USP30: variants seen among roughly 807,000 people sequenced by gnomAD.
The protein encoded by USP30 is ubiquitin specific peptidase 30.
Under a neutral mutation model 68.2 loss-of-function variants are expected in USP30, and 41 were observed. The observed-to-expected ratio is 0.60, with a 90% CI of 0.47 to 0.78. The LOEUF is 0.78. Among genes scored for constraint, USP30 ranks in the 30% least tolerant of loss-of-function variants. The probability of loss-of-function intolerance (pLI) is 0.00; values close to 1 mark genes in which losing one functional copy is unlikely to be tolerated. For synonymous variants in USP30, 229 were observed against 253.7 expected (o/e 0.90, Z 0.93); for missense variants, 522 against 649.4 (o/e 0.80, Z 2.13).
Position 109,082,086 on chromosome 12 carries a change from C to T in USP30, c.867+67C>T, listed in dbSNP as rs147172706. ...TGTGCTGATGTAGCGCCTCTCACAC[C>T]AGTGACCCTGAGCTCTTCTGACTGT... On this transcript the variant is annotated intron_variant, in intron 9 of 12. Coordinates refer to ENST00000257548, the MANE Select transcript of USP30 (RefSeq NM_032663.5). 52 of 1,512,108 alleles carry T rather than the reference C, an allele frequency of 3.4e-5. No individual in the cohort carries two copies. The African/African-American group carries it at 5.5e-4, about 16-fold the overall frequency. The allele number at this position is 1,512,108 out of a possible 1,614,324, so 93.7% of individuals were successfully genotyped here. A position where few individuals can be genotyped will look rare whatever the true frequency, so the allele number is the denominator to read the frequency against.
In USP30 at chr12:109,081,972, A is replaced by C. The variant is rs373686187; in HGVS notation, c.820A>C (p.Ile274Leu). The change falls in exon 9 of 13, where the codon ATC becomes CTC. Residue 274 changes from isoleucine to leucine, a missense_variant. By Grantham distance (5) the Ile-to-Leu change is conservative. Coordinates refer to ENST00000257548, the MANE Select transcript of USP30 (RefSeq NM_032663.5). ...LTLDHCLHHF[I>L]SSESVRDVVC... ...CCTGGACCACTGCCTTCACCACTTC[A>C]TCTCATCAGAATCAGTGCGGGATGT... 18 of 1,614,082 alleles carry C rather than the reference A, an allele frequency of 1.1e-5. No individual in the cohort carries two copies. The highest frequency in any genetic ancestry group is 1.6e-4 in the Middle Eastern group (1 of 6,084).
chr12:109,081,618 T>TGC (rs373152566), intron 8 of USP30: 65,469 of 491,628 alleles, frequency 0.13, 2,310 homozygotes, highest in Middle Eastern at 0.16. Flanking sequence ...CACGCACGCA[T>TGC]GCGCGCACAC....
At chr12:109,062,181 C>T (rs1161823243) in intron 3 of USP30, among the ~76,000 whole-genome samples, 2 of 151,970 alleles carry the variant, frequency 1.3e-5, no homozygotes, top group Non-Finnish European at 2.9e-5. Flanking sequence ...GTGATCCACC[C>T]GCCTCAGCCT....
intron 3 of USP30, among the ~76,000 whole-genome samples, chr12:109,058,559 C>G (rs547582448): frequency 7.8e-6 from 1 of 128,908 alleles, no homozygotes; most frequent in Admixed American, 8.7e-5. Flanking sequence ...GCAACAAGAG[C>G]GAAACTCCGT....
intron 1 of USP30, among the ~76,000 whole-genome samples, chr12:109,024,585 G>T (rs183863002): frequency 5.2e-4 from 78 of 151,236 alleles, no homozygotes; most frequent in African/African-American, 1.4e-3. Context: ...GTATCAACTT[G>T]GTGGGTTTAA....
chr12:109,085,620 C>CT, intron 12 of USP30, 47 bp from the exon 13 acceptor site: 1 of 1,598,254 alleles, frequency 6.3e-7, no homozygotes, highest in Non-Finnish European at 8.5e-7. Flanking sequence ...CCTATAAAGT[C>CT]TTTTTGTTAA....
intron 6 of USP30, among the ~76,000 whole-genome samples, chr12:109,072,693 A>G (rs1021330862): frequency 1.3e-5 from 2 of 152,214 alleles, no homozygotes; most frequent in Non-Finnish European, 2.9e-5. Context: ...ATATTACCAC[A>G]GTCATCCTTA....
In USP30 at chr12:109,071,899, G is replaced by C. The variant is rs61935540; in HGVS notation, c.579+189G>C. On this transcript the variant is annotated intron_variant, in intron 5 of 12. Transcript: ENST00000257548. ...TGGTGATCTGATTAGGGATGTCAAG[G>C]CTCTTTCAAATGATTCATTGCTGCA... 1.2e-3 allele frequency among the ~76,000 whole-genome samples: 183 copies of C among 152,246 alleles called. 1 individual carries two copies. Among genetic ancestry groups the C allele is most frequent in the Non-Finnish European group, 2.2e-3 (150 of 68,024 alleles).
chr12:109,073,120 T>C (rs1383072744), intron 6 of USP30, among the ~76,000 whole-genome samples: 1 of 152,250 alleles, frequency 6.6e-6, no homozygotes, highest in Non-Finnish European at 1.5e-5. Flanking sequence ...TGTTCACTTG[T>C]GGTATCCTTC....
At chr12:109,034,010 C>T (rs1327349680) in intron 3 of USP30, among the ~76,000 whole-genome samples, 2 of 152,110 alleles carry the variant, frequency 1.3e-5, no homozygotes, top group African/African-American at 4.8e-5. Flanking sequence ...TAATGTGTTC[C>T]CAGAGGGCCG....
chr12:109,025,589 C>G (rs1375123651), intron 2 of USP30, among the ~76,000 whole-genome samples: 4 of 152,100 alleles, frequency 2.6e-5, no homozygotes, highest in Non-Finnish European at 5.9e-5. Context: ...AAAACAAAAA[C>G]TAGCCATATG....
chr12:109,053,073 C>A (rs1463301436), intron 1 of USP30: 4 of 267,862 alleles, frequency 1.5e-5, no homozygotes, highest in African/African-American at 6.6e-5. Flanking sequence ...GCCCTCAGTC[C>A]TTTCAGTGCC....
At chr12:109,056,224 T>C (rs1045957833) in intron 1 of USP30, among the ~76,000 whole-genome samples, 1 of 152,120 alleles carries the variant, frequency 6.6e-6, no homozygotes, top group Non-Finnish European at 1.5e-5. Context: ...ACTGAGTCTT[T>C]CTCTGTCACC....
Position 109,085,720 on chromosome 12 carries a change from T to C in USP30, c.1343T>C (p.Met448Thr), listed in dbSNP as rs1566110004. Residue 448 changes from methionine to threonine, a missense_variant, in exon 13 of 13, where the codon ATG becomes ACG. Coordinates refer to ENST00000257548, the MANE Select transcript of USP30 (RefSeq NM_032663.5). Reference protein sequence around the residue: ...LMAVVVHHGDMHSGHFVTYRR... With the variant: ...LMAVVVHHGDTHSGHFVTYRR... ...GCAGTTGTCGTCCACCATGGAGACA[T>C]GCACTCTGGACACTTTGTCACTTAC... The C allele has an allele frequency of 1.2e-6, 2 of 1,614,230 alleles. No homozygotes were observed. The highest frequency in any genetic ancestry group is 1.7e-6 in the Non-Finnish European group (2 of 1,180,040).
intron 3 of USP30, among the ~76,000 whole-genome samples, chr12:109,033,689 G>C (rs2135662312): frequency 6.6e-6 from 1 of 152,304 alleles, no homozygotes; most frequent in South Asian, 2.1e-4. Context: ...ATGCTGATGG[G>C]ATGGCACTTC....
intron 3 of USP30, among the ~76,000 whole-genome samples, chr12:109,030,068 C>A (rs182860688): frequency 3.8e-4 from 58 of 152,330 alleles, no homozygotes; most frequent in Non-Finnish European, 6.5e-4. Flanking sequence ...TGTTCACCTT[C>A]TTCCTGCAAG....
chr12:109,049,211 C>T (rs2040635182), upstream of USP30, among the ~76,000 whole-genome samples: 1 of 152,212 alleles, frequency 6.6e-6, no homozygotes, highest in Non-Finnish European at 1.5e-5. Context: ...TGACTTTTGA[C>T]ACACCTTCCT....
upstream of USP30, among the ~76,000 whole-genome samples, chr12:109,048,723 G>C (rs2040629651): frequency 7.2e-6 from 1 of 139,122 alleles, no homozygotes; most frequent in Non-Finnish European, 1.5e-5. Context: ...CTGGGCAACA[G>C]AGTGAGACTC....
intron 7 of USP30, among the ~76,000 whole-genome samples, chr12:109,074,974 T>C (rs138697639): frequency 1.3e-5 from 2 of 152,360 alleles, no homozygotes; most frequent in Non-Finnish European, 2.9e-5. Context: ...GGTGTTTATC[T>C]TTCTATATCT....
Sources: allele counts gnomAD v4.1 joint callset (sites outside exome capture counted in the v4.1 genomes callset), GRCh38; gene constraint gnomAD v4.1.1; transcripts MANE v1.5; gene names NCBI Gene and HGNC (gene_info 2026-07-23, HGNC 2026-07-21).